Variants in ARIH1 observed in about 807,000 individuals in gnomAD.
The protein encoded by ARIH1 is E3 ubiquitin-protein ligase ARIH1.
In ARIH1, 8 loss-of-function variants were observed where a neutral mutation model predicts 85.0. The observed-to-expected ratio is 0.09, with a 90% CI of 0.06 to 0.17. The LOEUF (loss-of-function observed/expected upper bound fraction) is 0.17. Ranked by LOEUF, ARIH1 falls within the 10% of genes least tolerant of loss-of-function variation. The pLI is 1.00. For missense variants in ARIH1, 311 were observed against 718.1 expected, an observed-to-expected ratio of 0.43 and a Z score of 6.48; for synonymous variants, 238 against 253.6, an observed-to-expected ratio of 0.94 and a Z score of 0.59.
At chr15:72,539,995 C>T (rs1695531440) in intron 2 of ARIH1, among the ~76,000 whole-genome samples, 1 of 152,134 alleles carries the variant, frequency 6.6e-6, no homozygotes, top group African/African-American at 2.4e-5. Flanking sequence ...CACGGTGGCT[C>T]ATGCCTATAA....
intron 11 of ARIH1, 75 bp downstream of exon 11, chr15:72,572,240 T>A: frequency 1.6e-6 from 1 of 639,660 alleles, no homozygotes; most frequent in Non-Finnish European, 2.3e-6. Flanking sequence ...GAGAATAATT[T>A]TTTTTTTTTT....
At chr15:72,530,065 T>C (rs2064048902) in intron 2 of ARIH1, among the ~76,000 whole-genome samples, 1 of 152,160 alleles carries the variant, frequency 6.6e-6, no homozygotes, top group Admixed American at 6.6e-5. Flanking sequence ...GACAGCTAAA[T>C]TGATAGCAGA....
intron 1 of ARIH1, among the ~76,000 whole-genome samples, chr15:72,495,775 C>T (rs930693223): frequency 2.6e-5 from 4 of 152,062 alleles, no homozygotes; most frequent in South Asian, 2.1e-4. Context: ...AATATTTATA[C>T]TGGCTTGAGC....
At chr15:72,536,787 A>G (rs2064083755) in intron 2 of ARIH1, among the ~76,000 whole-genome samples, 1 of 152,178 alleles carries the variant, frequency 6.6e-6, no homozygotes, top group Admixed American at 6.5e-5. Flanking sequence ...GCCACTTGGA[A>G]GTAGTATTAA....
At chr15:72,483,111 C>A (rs1222276618) in intron 1 of ARIH1, among the ~76,000 whole-genome samples, 1 of 152,280 alleles carries the variant, frequency 6.6e-6, no homozygotes, top group South Asian at 2.1e-4. Flanking sequence ...ATCTGCCCGC[C>A]TTAGCCTCCT....
chr15:72,570,379 C>T (rs1209876320), intron 10 of ARIH1, 72 bp downstream of exon 10: 15 of 1,565,250 alleles, frequency 9.6e-6, no homozygotes, highest in Non-Finnish European at 8.7e-7. Context: ...AACATTTCTA[C>T]CTCATAGATA....
At chr15:72,572,693 T>C (rs1030600400) in intron 11 of ARIH1, among the ~76,000 whole-genome samples, 23 of 152,258 alleles carry the variant, frequency 1.5e-4, no homozygotes, top group African/African-American at 5.5e-4. Context: ...TTTTAGCTTT[T>C]GGTAGAGTCT....
chr15:72,504,275 G>A (rs1374041145), intron 1 of ARIH1, among the ~76,000 whole-genome samples: 1 of 151,956 alleles, frequency 6.6e-6, no homozygotes, highest in Non-Finnish European at 1.5e-5. Context: ...GGCTGGACTC[G>A]AGCTTCTGAC....
Position 72,518,051 on chromosome 15 carries a change from T to TC in ARIH1, c.376-12dup. ...GCTATTACCTTAAAATGACTTTTTT[T>TC]CCCCTCCTTCTTTAGAATCCAGCAA... On this transcript the variant is annotated splice_polypyrimidine_tract_variant and intron_variant, in intron 1 of 13. Transcript: ENST00000379887. 1 of 1,597,484 alleles carries TC rather than the reference T, an allele frequency of 6.3e-7. No homozygotes were observed. The highest frequency in any genetic ancestry group is 1.3e-5 in the African/African-American group (1 of 74,480).
intron 1 of ARIH1, among the ~76,000 whole-genome samples, chr15:72,503,739 A>T (rs752691391): frequency 5.3e-5 from 8 of 152,122 alleles, no homozygotes; most frequent in Non-Finnish European, 8.8e-5. Flanking sequence ...CCTTCTTTGG[A>T]CTTGTGATGG....
chr15:72,556,213 A>G (rs2064173972), intron 5 of ARIH1, among the ~76,000 whole-genome samples: 2 of 152,230 alleles, frequency 1.3e-5, no homozygotes, highest in African/African-American at 4.8e-5. Context: ...AAAAGGTGAA[A>G]CTGACTTATT....
At chr15:72,476,739 A>G (rs2140388149) in intron 1 of ARIH1, among the ~76,000 whole-genome samples, 1 of 152,340 alleles carries the variant, frequency 6.6e-6, no homozygotes, top group East Asian at 1.9e-4. Context: ...CCACCCAGAG[A>G]CGTACAACAA....
intron 1 of ARIH1, among the ~76,000 whole-genome samples, chr15:72,495,955 A>G (rs145692040): frequency 5.3e-4 from 81 of 152,258 alleles, no homozygotes; most frequent in African/African-American, 1.6e-3. Flanking sequence ...CTGTCACCCA[A>G]GCTGGAGTGC....
Position 72,480,497 on chromosome 15 carries a change from A to G in ARIH1, c.375+5483A>G, listed in dbSNP as rs2063811777. Among the ~76,000 whole-genome samples the G allele has an allele frequency of 2.0e-5, 3 of 149,460 alleles. No individual in the cohort carries two copies. In the South Asian group the frequency reaches 6.4e-4, roughly 32 times the overall value. ...GCTGGTCTCGAACTCCTGACCTCAA[A>G]TGATCGACCTACCTTGGCCTCCCAG... On this transcript the variant is annotated intron_variant, in intron 1 of 13. Transcript: ENST00000379887.
At chr15:72,551,257 A>C (rs1218328490) in intron 3 of ARIH1, among the ~76,000 whole-genome samples, 1 of 152,234 alleles carries the variant, frequency 6.6e-6, no homozygotes, top group Non-Finnish European at 1.5e-5. Context: ...AGATAAAAGA[A>C]TGACTTGAAT....
chr15:72,528,528 C>G (rs2064040226), intron 2 of ARIH1, among the ~76,000 whole-genome samples: 1 of 152,148 alleles, frequency 6.6e-6, no homozygotes, highest in African/African-American at 2.4e-5. Flanking sequence ...ACATTTATCA[C>G]TATTCTACAA....
chr15:72,562,340 T>C (rs1170720215), intron 6 of ARIH1, among the ~76,000 whole-genome samples: 1 of 152,200 alleles, frequency 6.6e-6, no homozygotes, highest in African/African-American at 2.4e-5. Context: ...TTCTTTACCC[T>C]CTTGGCTTGT....
intron 1 of ARIH1, among the ~76,000 whole-genome samples, chr15:72,510,574 C>T (rs112158855): frequency 0.049 from 7,478 of 151,260 alleles, 252 homozygotes; most frequent in African/African-American, 0.099. Flanking sequence ...GAAAGCCCAT[C>T]TCTACTAAAA....
chr15:72,505,756 A>G lies in ARIH1; in HGVS notation c.376-12311A>G, dbSNP rs546558082. 3.9e-5 allele frequency among the ~76,000 whole-genome samples: 6 copies of G among 152,022 alleles called. No homozygotes were observed. In the East Asian group the frequency reaches 1.2e-3, roughly 30 times the overall value. On this transcript the variant is annotated intron_variant, in intron 1 of 13. Coordinates refer to ENST00000379887, the MANE Select transcript of ARIH1 (RefSeq NM_005744.5). Reference sequence around the variant, plus strand: ...ATAGTGTCTTTTTTTTCTCCCTGAGACGGGGTCTTGCTTTGTTGCCCAGAG... The same window carrying G: ...ATAGTGTCTTTTTTTTCTCCCTGAGGCGGGGTCTTGCTTTGTTGCCCAGAG...
Sources: gnomAD v4.1 joint callset for allele counts (sites outside exome capture counted in the v4.1 genomes callset) on GRCh38, gnomAD v4.1.1 for gene constraint, MANE v1.5 for transcripts, NCBI Gene and HGNC (gene_info 2026-07-23, HGNC 2026-07-21) for gene names.